The following CEP70 variants were observed in gnomAD, a reference collection of about 807,000 sequenced individuals.
The protein encoded by CEP70 is centrosomal protein 70.
Under a neutral mutation model 90.9 loss-of-function variants are expected in CEP70, and 70 were observed. The ratio of observed to expected loss-of-function variants is 0.77; its 90% CI spans 0.64 to 0.94. The LOEUF (loss-of-function observed/expected upper bound fraction) is 0.94. Among genes scored for constraint, CEP70 ranks in the 40% least tolerant of loss-of-function variants. The pLI, the probability that CEP70 is intolerant of heterozygous loss-of-function variation, is 0.00. For synonymous variants in CEP70, 220 were observed against 228.3 expected (o/e 0.96, Z 0.33); for missense variants, 648 against 669.0 (o/e 0.97, Z 0.35).
rs2034431935 is a variant in CEP70, at chr3:138,500,744, A to C, written c.1359T>G (p.Asn453Lys). The change falls in exon 14 of 18, where the codon AAT becomes AAG. Residue 453 changes from asparagine to lysine, a missense_variant. Transcript: ENST00000264982. Reference protein sequence around the residue: ...IVDTMLEEVENKEKDSNMPHF... With the variant: ...IVDTMLEEVEKKEKDSNMPHF... ...TTCATGTAGGTATTACCTTTTCCTTATTTTCAACTTCTTCCAGCATAGTAT... is the reference window on the plus strand; with the variant it reads ...TTCATGTAGGTATTACCTTTTCCTTCTTTTCAACTTCTTCCAGCATAGTAT... 1 of 1,593,124 alleles carries C rather than the reference A, an allele frequency of 6.3e-7. No individual in the cohort carries two copies. The highest frequency in any genetic ancestry group is 1.4e-5 in the African/African-American group (1 of 73,792).
rs548672709 is a variant in CEP70 at position 138,567,340 on chromosome 3, T to C, written c.465+2978A>G. On this transcript the variant is annotated intron_variant, in intron 6 of 17. Coordinates refer to ENST00000264982, the MANE Select transcript of CEP70 (RefSeq NM_024491.4). ...GTCTTAAACTATGAAATAATTATTC[T>C]CCACAGGCACTTTCATCTTCTCAAG... Among the ~76,000 whole-genome samples the C allele has an allele frequency of 3.9e-5, 6 of 152,302 alleles. No individual in the cohort carries two copies. The East Asian group carries it at 1.2e-3, about 29-fold the overall frequency.
At chr3:138,498,230 C>A (rs1175449505) in intron 16 of CEP70, 120 bp from the exon 17 acceptor site, 2 of 641,180 alleles carry the variant, frequency 3.1e-6, no homozygotes, top group Admixed American at 6.8e-5. Context: ...ACTTAATGAT[C>A]ATTTACTACA....
At chr3:138,577,430 C>T (rs1339410580) in intron 2 of CEP70, among the ~76,000 whole-genome samples, 9 of 151,996 alleles carry the variant, frequency 5.9e-5, no homozygotes, top group African/African-American at 1.9e-4. Context: ...GGGCAGATCA[C>T]GAAGTCAGGA....
At chr3:138,549,575 C>G (rs1432901464) in intron 6 of CEP70, among the ~76,000 whole-genome samples, 2 of 152,122 alleles carry the variant, frequency 1.3e-5, no homozygotes, top group Non-Finnish European at 2.9e-5. Flanking sequence ...CAAGGAGAAT[C>G]TGAGCTCAGA....
At chr3:138,496,217 G>C in intron 17 of CEP70, 1 of 985,406 alleles carries the variant, frequency 1.0e-6, no homozygotes, top group Admixed American at 6.1e-5. Context: ...CATAAAGCAT[G>C]CTTTCTTGGA....
intron 6 of CEP70, among the ~76,000 whole-genome samples, chr3:138,564,549 A>G (rs1345683713): frequency 6.6e-6 from 1 of 152,232 alleles, no homozygotes; most frequent in African/African-American, 2.4e-5. Flanking sequence ...TGACACATGC[A>G]AATCAATAAA....
intron 10 of CEP70, among the ~76,000 whole-genome samples, chr3:138,528,307 G>A (rs1051263479): frequency 6.6e-6 from 1 of 152,156 alleles, no homozygotes. Context: ...GCCTCCTGAA[G>A]TGCTGAGATT....
intron 8 of CEP70, chr3:138,531,375 T>TC (rs934140172): frequency 1.3e-5 from 2 of 152,152 alleles, no homozygotes; most frequent in African/African-American, 4.8e-5. Context: ...CCAAATCCCC[T>TC]CTTCATCATC....
chr3:138,500,060 C>G (rs1560271833), intron 16 of CEP70, 50 bp downstream of exon 16: 1 of 1,273,978 alleles, frequency 7.8e-7, no homozygotes, highest in East Asian at 2.3e-5. Context: ...GCGTGTGCCA[C>G]CACACCCAGC....
chr3:138,546,346 T>C (rs898934658), intron 6 of CEP70, among the ~76,000 whole-genome samples: 3 of 152,242 alleles, frequency 2.0e-5, no homozygotes, highest in African/African-American at 4.8e-5. Flanking sequence ...CAAAGGAATA[T>C]GTATTTTCAA....
intron 11 of CEP70, among the ~76,000 whole-genome samples, chr3:138,516,447 G>A (rs1323722821): frequency 1.3e-5 from 2 of 152,082 alleles, no homozygotes; most frequent in African/African-American, 2.4e-5. Flanking sequence ...GTGCAGTGGT[G>A]TGATCACAGC....
At position 138,500,172 on chromosome 3, in the gene CEP70, C is replaced by T; in HGVS notation, c.1590G>A (p.Arg530=). The T allele has an allele frequency of 1.2e-6, 2 of 1,613,930 alleles. No individual in the cohort carries two copies. Among genetic ancestry groups the T allele is most frequent in the Non-Finnish European group, 1.7e-6 (2 of 1,179,842 alleles). Residue 530 remains arginine, a synonymous_variant, in exon 16 of 18, where the codon AGG becomes AGA. Coordinates refer to ENST00000264982, the MANE Select transcript of CEP70 (RefSeq NM_024491.4). Reference sequence around the variant, plus strand: ...GCTCATTCACATCTTCATTAATCAGCCTACAGAGTTTTCCAACAGTGCTTA... The same window carrying T: ...GCTCATTCACATCTTCATTAATCAGTCTACAGAGTTTTCCAACAGTGCTTA... The part of the protein sequence containing the change: ...VLVSTVGKLC[R]LINEDVNEQV...
intron 6 of CEP70, among the ~76,000 whole-genome samples, chr3:138,550,504 C>A (rs533872504): frequency 2.1e-4 from 32 of 152,286 alleles, no homozygotes; most frequent in African/African-American, 7.7e-4. Flanking sequence ...GCTGGGATTA[C>A]AGGCATGTGC....
intron 6 of CEP70, among the ~76,000 whole-genome samples, chr3:138,568,351 A>C (rs928829905): frequency 2.0e-5 from 3 of 152,150 alleles, no homozygotes; most frequent in Non-Finnish European, 4.4e-5. Context: ...ACCCTGGTAA[A>C]TTTGTAAGCT....
intron 16 of CEP70, among the ~76,000 whole-genome samples, chr3:138,499,509 G>A (rs1305694728): frequency 6.6e-6 from 1 of 152,160 alleles, no homozygotes; most frequent in Admixed American, 6.5e-5. Flanking sequence ...AATATTTCCT[G>A]AAAACAGGCT....
Position 138,533,142 on chromosome 3 carries a change from G to A in CEP70, c.636-572C>T, listed in dbSNP as rs1296334652. Among the ~76,000 whole-genome samples the A allele has an allele frequency of 4.6e-5, 7 of 152,028 alleles. No individual in the cohort carries two copies. In the South Asian group the frequency reaches 1.2e-3, roughly 27 times the overall value. On this transcript the variant is annotated intron_variant, in intron 7 of 17. Coordinates refer to ENST00000264982, the MANE Select transcript of CEP70 (RefSeq NM_024491.4). ...TAAAAATACAAAAAATTAGCTGGGC[G>A]TCGTGGCGAGTGCCTGTAGTCCCAG...
intron 17 of CEP70, chr3:138,496,978 A>G (rs1205973667): frequency 2.0e-6 from 2 of 992,942 alleles, no homozygotes; most frequent in Non-Finnish European, 2.4e-6. Context: ...GCTTAAGTTA[A>G]TAGCAATCCC....
At chr3:138,528,430 T>A (rs1299743005) in intron 10 of CEP70, among the ~76,000 whole-genome samples, 3 of 152,208 alleles carry the variant, frequency 2.0e-5, no homozygotes, top group Non-Finnish European at 4.4e-5. Context: ...CTCTTGTTCC[T>A]TTCATAAGTT....
intron 11 of CEP70, among the ~76,000 whole-genome samples, chr3:138,522,431 A>G (rs1004486877): frequency 3.9e-5 from 6 of 152,288 alleles, no homozygotes; most frequent in Non-Finnish European, 8.8e-5. Context: ...CAATGAATCC[A>G]GGAGCTGGTT....
Sources: allele counts gnomAD v4.1 joint callset (sites outside exome capture counted in the v4.1 genomes callset), GRCh38; gene constraint gnomAD v4.1.1; transcripts MANE v1.5; gene names NCBI Gene and HGNC (gene_info 2026-07-23, HGNC 2026-07-21).